The following ZNF724 variants were observed in gnomAD, a reference collection of about 807,000 sequenced individuals.
The protein encoded by ZNF724 is zinc finger protein 724 pseudogene.
A neutral mutation model predicts 29.3 loss-of-function variants in ZNF724; 14 were observed. The observed-to-expected ratio is 0.48, with a 90% CI of 0.32 to 0.75. The LOEUF (loss-of-function observed/expected upper bound fraction) is 0.75. ZNF724 is among the 30% of genes least tolerant of loss of function. The pLI, the probability that ZNF724 is intolerant of heterozygous loss-of-function variation, is 0.04. For missense variants in ZNF724, 557 were observed against 571.2 expected (o/e 0.98, Z 0.25); for synonymous variants, 180 against 193.6 (o/e 0.93, Z 0.58).
In ZNF724 at chr19:23,223,033, G is replaced by A. The variant is rs1971750081; in HGVS notation, c.1212C>T (p.Asn404=). ...TATGTGTGGTGAGGTGTGAGGATGT[G>A]TTAAAGGCTTTGCCACATTCTTCAC... is the stretch of plus-strand genomic sequence containing the variant. ...YKCEECGKAF[N]TSSHLTTHKR... Residue 404 remains asparagine, a synonymous_variant, in exon 4 of 4, where the codon AAC becomes AAT. Transcript: ENST00000418100. The A allele has an allele frequency of 3.0e-6, 4 of 1,315,426 alleles. No homozygotes were observed. Among genetic ancestry groups the A allele is most frequent in the Non-Finnish European group, 2.2e-6 (2 of 909,378 alleles). The allele number at this position is 1,315,426 out of a possible 1,614,324, so 81.5% of individuals were successfully genotyped here.
chr19:23,243,039 CAA>C (rs762188669), intron 1 of ZNF724, among the ~76,000 whole-genome samples: 18,369 of 110,706 alleles, frequency 0.17, 1,179 homozygotes, highest in African/African-American at 0.26. Flanking sequence ...AACTCCATCT[CAA>C]AAAAAAAAAA....
chr19:23,226,243 A>C (rs1459592661), intron 3 of ZNF724, among the ~76,000 whole-genome samples: 2 of 151,946 alleles, frequency 1.3e-5, no homozygotes, highest in Non-Finnish European at 2.9e-5. Flanking sequence ...AGTAGAGACA[A>C]GGTTTCACTG....
chr19:23,231,193 T>C, intron 3 of ZNF724, 73 bp downstream of exon 3: 1 of 1,095,976 alleles, frequency 9.1e-7, no homozygotes, highest in South Asian at 1.6e-5. Context: ...CCAAATCGTA[T>C]TTCAAAAACT....
intron 3 of ZNF724, among the ~76,000 whole-genome samples, chr19:23,226,857 T>C (rs1971837729): frequency 6.6e-6 from 1 of 152,012 alleles, no homozygotes. Context: ...TGACTTAAAG[T>C]GTACAGAGTT....
intron 1 of ZNF724, chr19:23,236,460 T>A (rs1972022795): frequency 6.5e-6 from 1 of 152,912 alleles, no homozygotes; most frequent in African/African-American, 2.4e-5. Flanking sequence ...CTCTAAGAGT[T>A]CTCCCTGTGA....
chr19:23,223,277 G>T lies in ZNF724; in HGVS notation c.968C>A (p.Ser323Ter), dbSNP rs774541288. ...AATTCTCTTATGTTTAGTAAGGTTC[G>T]AGGATTGGTTAAAAGCTCTGCCACA... ...EHCGRAFNQS[S>*]NLTKHKRIHT... Residue 323 changes from serine (S) to a stop codon, truncating the protein, a stop_gained, in exon 4 of 4, where the codon TCG (serine) becomes TAG (stop). Transcript: ENST00000418100. LOFTEE classifies it high-confidence loss of function. 1.2e-6 allele frequency: 1 copy of T among 815,100 alleles called. No individual in the cohort carries two copies. The highest frequency in any genetic ancestry group is 2.2e-6 in the Non-Finnish European group (1 of 458,766). The allele number at this position is 815,100 out of a possible 1,614,324, so 50.5% of individuals were successfully genotyped here.
At position 23,224,045 on chromosome 19, in the gene ZNF724, C is replaced by T. The variant is rs78259807; in HGVS notation, c.227-27G>A. ...TGAAAGAAATAAAAATAACAACTTA[C>T]TCCACATACTAGACTCAGATACATA... On this transcript the variant is annotated intron_variant, in intron 3 of 3. Transcript: ENST00000418100. 5.1e-4 allele frequency: 315 copies of T among 619,590 alleles called. 1 individual carries two copies. The highest frequency in any genetic ancestry group is 5.0e-3 in the African/African-American group (274 of 54,348). 38.4% of individuals were successfully genotyped at this position (619,590 alleles called of 1,614,324 possible).
chr19:23,249,194 T>A (rs1166146858), intron 1 of ZNF724, among the ~76,000 whole-genome samples: 3 of 151,994 alleles, frequency 2.0e-5, no homozygotes, highest in African/African-American at 7.2e-5. Context: ...TCTAAAATTT[T>A]TGAACCACTC....
intron 1 of ZNF724, among the ~76,000 whole-genome samples, chr19:23,245,677 C>T (rs1039441045): frequency 6.6e-6 from 1 of 151,964 alleles, no homozygotes; most frequent in Non-Finnish European, 1.5e-5. Flanking sequence ...CCATTCCCCT[C>T]CCACCTTGTT....
Position 23,223,959 on chromosome 19 carries a change from G to T in ZNF724, c.286C>A (p.Gln96Lys). The T allele has an allele frequency of 1.4e-6, 1 of 738,146 alleles. No homozygotes were observed. The highest frequency in any genetic ancestry group is 2.5e-6 in the Non-Finnish European group (1 of 401,642). The allele number at this position is 738,146 out of a possible 1,614,324, so 45.7% of individuals were successfully genotyped here. The part of the protein sequence containing the change: ...RPEQSIKASL[Q>K]RIILRKYEKC... ...TCATATTTTCTCAGTATTATTCTTTGCAAAGAAGCTTTTATGCTCTGCTCT... is the reference window on the plus strand; with the variant it reads ...TCATATTTTCTCAGTATTATTCTTTTCAAAGAAGCTTTTATGCTCTGCTCT... The change falls in exon 4 of 4, where the codon CAA becomes AAA. Residue 96 changes from glutamine to lysine, a missense_variant. Around this residue, in one of 3 missense-constraint regions of ZNF724, gnomAD observed 362 missense variants for 295.5 expected, o/e 1.22. Transcript: ENST00000418100.
At chr19:23,235,603 A>G (rs979117114) in intron 1 of ZNF724, among the ~76,000 whole-genome samples, 1 of 152,224 alleles carries the variant, frequency 6.6e-6, no homozygotes, top group Non-Finnish European at 1.5e-5. Context: ...CAAAACTTCC[A>G]ATCAGTTCTG....
chr19:23,225,721 T>C (rs1971815089), intron 3 of ZNF724, among the ~76,000 whole-genome samples: 1 of 152,308 alleles, frequency 6.6e-6, no homozygotes, highest in South Asian at 2.1e-4. Flanking sequence ...ATTCCACTTA[T>C]ATGAGATATG....
In ZNF724 at chr19:23,234,730, G is replaced by C. The variant is rs141440760; in HGVS notation, c.4-2437C>G. Reference sequence around the variant, plus strand: ...GTCTCCCAAAGTGCTGGGATTACAGGCATAAGCCACCACGCCCAGCTGCCT... The same window carrying C: ...GTCTCCCAAAGTGCTGGGATTACAGCCATAAGCCACCACGCCCAGCTGCCT... On this transcript the variant is annotated intron_variant, in intron 1 of 3. Transcript: ENST00000418100. 5.4e-3 allele frequency among the ~76,000 whole-genome samples: 817 copies of C among 152,310 alleles called. 9 individuals carry two copies. The highest frequency in any genetic ancestry group is 0.018 in the African/African-American group (768 of 41,560).
chr19:23,227,847 T>A (rs964129416), intron 3 of ZNF724, among the ~76,000 whole-genome samples: 1 of 152,190 alleles, frequency 6.6e-6, no homozygotes, highest in Non-Finnish European at 1.5e-5. Context: ...TGTGTCAATC[T>A]AAAATTAATT....
intron 1 of ZNF724, among the ~76,000 whole-genome samples, chr19:23,244,322 T>C (rs1194128040): frequency 6.6e-6 from 1 of 152,140 alleles, no homozygotes; most frequent in Non-Finnish European, 1.5e-5. Context: ...AAATCAAAAA[T>C]GCTGTGGTGA....
chr19:23,222,904 C>T lies in ZNF724; in HGVS notation c.1341G>A (p.Glu447=), dbSNP rs1354847895. 7.2e-7 allele frequency: 1 copy of T among 1,394,318 alleles called. No individual in the cohort carries two copies. Among genetic ancestry groups the T allele is most frequent in the East Asian group, 2.3e-5 (1 of 43,798 alleles). 86.4% of individuals were successfully genotyped at this position (1,394,318 alleles called of 1,614,324 possible). Residue 447 remains glutamate (E), a synonymous_variant, in exon 4 of 4, where the codon GAG becomes GAA. Coordinates refer to ENST00000418100, the MANE Select transcript of ZNF724 (RefSeq NM_001355404.2). ...LTTHKIIHTG[E]KPYKCKECGK... Reference sequence around the variant, plus strand: ...CACATTCTTTACATTTGTAGGGTTTCTCTCCAGTATGAATTATCTTATGTG... The same window carrying T: ...CACATTCTTTACATTTGTAGGGTTTTTCTCCAGTATGAATTATCTTATGTG...
In ZNF724 at chr19:23,222,956, G is replaced by C. The variant is rs770859714; in HGVS notation, c.1289C>G (p.Ala430Gly). 2 of 1,378,466 alleles carry C rather than the reference G, an allele frequency of 1.5e-6. No individual in the cohort carries two copies. The highest frequency in any genetic ancestry group is 2.1e-6 in the Non-Finnish European group (2 of 966,654). The allele number at this position is 1,378,466 out of a possible 1,614,324, so 85.4% of individuals were successfully genotyped here. The change falls in exon 4 of 4, where the codon GCC (alanine) becomes GGC (glycine). Residue 430 changes from alanine to glycine, a missense_variant. Around this residue, in one of 3 missense-constraint regions of ZNF724, gnomAD observed 362 missense variants for 295.5 expected, o/e 1.22. Coordinates refer to ENST00000418100, the MANE Select transcript of ZNF724 (RefSeq NM_001355404.2). ...AGTAAGTTGTGAGAACTGGTTAAAG[G>C]CTTTGCCACATTCTTCACATTTGTA... ...KPYKCEECGK[A>G]FNQFSQLTTH...
chr19:23,243,338 C>T (rs1004819209), intron 1 of ZNF724, among the ~76,000 whole-genome samples: 2 of 150,506 alleles, frequency 1.3e-5, no homozygotes, highest in East Asian at 2.0e-4. Context: ...ACTAGCCAGG[C>T]GTGGTGGCTT....
chr19:23,232,148 G>A lies in ZNF724; in HGVS notation c.130+19C>T, dbSNP rs1257164814. ...ATATTTAGGGTAGATTAGGAATTGT[G>A]TATTGAAGTTATTCTCACCCAGGAA... On this transcript the variant is annotated intron_variant, in intron 2 of 3. Transcript: ENST00000418100. 5 of 1,288,390 alleles carry A rather than the reference G, an allele frequency of 3.9e-6. No homozygotes were observed. The highest frequency in any genetic ancestry group is 1.2e-5 in the South Asian group (1 of 83,584). 79.8% of individuals were successfully genotyped at this position (1,288,390 alleles called of 1,614,324 possible). A position where few individuals can be genotyped will look rare whatever the true frequency, so the allele number is the denominator to read the frequency against.
Sources: allele counts gnomAD v4.1 joint callset (sites outside exome capture counted in the v4.1 genomes callset), GRCh38; gene constraint gnomAD v4.1.1; regional missense constraint gnomAD v4.1.1; transcripts MANE v1.5; gene names NCBI Gene and HGNC (gene_info 2026-07-23, HGNC 2026-07-21).